Variants in HS3ST4 observed in about 807,000 individuals in gnomAD.
HS3ST4 encodes heparan sulfate-glucosamine 3-sulfotransferase 4, also known as heparan sulfate glucosamine 3-O-sulfotransferase 4.
Under a neutral mutation model 29.2 loss-of-function variants are expected in HS3ST4, and 17 were observed. The ratio of observed to expected loss-of-function variants is 0.58; its 90% CI spans 0.40 to 0.87. The LOEUF (loss-of-function observed/expected upper bound fraction) is 0.87. HS3ST4 is among the 40% of genes least tolerant of loss of function. The probability of loss-of-function intolerance (pLI) is 0.00; values close to 1 mark genes in which losing one functional copy is unlikely to be tolerated. For synonymous variants in HS3ST4, 314 were observed against 285.7 expected, an observed-to-expected ratio of 1.10 and a Z score of -1.00; for missense variants, 627 against 634.5, an observed-to-expected ratio of 0.99 and a Z score of 0.13.
intron 1 of HS3ST4, among the ~76,000 whole-genome samples, chr16:26,031,009 G>T (rs1969525855): frequency 6.6e-6 from 1 of 152,212 alleles, no homozygotes; most frequent in South Asian, 2.1e-4. Context: ...TATTTGTGAA[G>T]GATAGAATTG....
chr16:25,912,289 T>G (rs944640725), intron 1 of HS3ST4, among the ~76,000 whole-genome samples: 3 of 152,212 alleles, frequency 2.0e-5, no homozygotes, highest in African/African-American at 7.2e-5. Flanking sequence ...GAATTCGTTA[T>G]GCTCTCGCTA....
chr16:26,104,811 T>A (rs1899030729), intron 1 of HS3ST4, among the ~76,000 whole-genome samples: 3 of 152,180 alleles, frequency 2.0e-5, no homozygotes, highest in Non-Finnish European at 4.4e-5. Flanking sequence ...GCAGCTCTAG[T>A]CTTCCTTTTT....
At chr16:26,073,625 G>A (rs1048510771) in intron 1 of HS3ST4, among the ~76,000 whole-genome samples, 87 of 152,192 alleles carry the variant, frequency 5.7e-4, no homozygotes, top group Admixed American at 5.0e-3. Flanking sequence ...CTCCCTCCTC[G>A]GCCTCCCAAA....
intron 1 of HS3ST4, among the ~76,000 whole-genome samples, chr16:25,975,620 C>T (rs1968936983): frequency 6.6e-6 from 1 of 152,138 alleles, no homozygotes; most frequent in African/African-American, 2.4e-5. Flanking sequence ...CCTCACTGGT[C>T]TGAGCCAGCA....
intron 1 of HS3ST4, among the ~76,000 whole-genome samples, chr16:26,069,714 A>G (rs1310999967): frequency 3.3e-5 from 2 of 59,928 alleles, no homozygotes; most frequent in East Asian, 6.2e-4. Context: ...CCCTCCCCCC[A>G]CCCCACAACA....
chr16:25,759,839 A>T (rs761498167), intron 1 of HS3ST4, among the ~76,000 whole-genome samples: 9 of 152,158 alleles, frequency 5.9e-5, no homozygotes, highest in Admixed American at 1.3e-4. Flanking sequence ...GCAGTGAGCT[A>T]TGATGACACC....
At position 26,126,502 on chromosome 16, in the gene HS3ST4, C is replaced by T. The variant is rs143232050; in HGVS notation, c.735-9110C>T. Among the ~76,000 whole-genome samples the T allele has an allele frequency of 6.2e-3, 945 of 152,234 alleles. 12 individuals are homozygous for T. Among genetic ancestry groups the T allele is most frequent in the African/African-American group, 0.022 (902 of 41,534 alleles). On this transcript the variant is annotated intron_variant, in intron 1 of 1. Coordinates refer to ENST00000331351, the MANE Select transcript of HS3ST4 (RefSeq NM_006040.3). ...CAATTTTTATTATCATCCCATTTTA[C>T]GTATGGGAAAATCTAGGCAGAGACA...
intron 1 of HS3ST4, among the ~76,000 whole-genome samples, chr16:26,123,326 A>G (rs1323425486): frequency 6.6e-6 from 1 of 152,102 alleles, no homozygotes; most frequent in African/African-American, 2.4e-5. Context: ...GAACCCAGAG[A>G]CTCAACACTT....
chr16:26,020,744 G>C (rs1400011254), intron 1 of HS3ST4, among the ~76,000 whole-genome samples: 2 of 152,184 alleles, frequency 1.3e-5, no homozygotes, highest in Non-Finnish European at 2.9e-5. Flanking sequence ...CCTCATCCCA[G>C]ACCTTCTAAA....
chr16:25,815,367 A>C (rs1596579330), intron 1 of HS3ST4, among the ~76,000 whole-genome samples: 1 of 152,146 alleles, frequency 6.6e-6, no homozygotes, highest in East Asian at 1.9e-4. Context: ...TTTATTGCCC[A>C]AGCTGAAGTG....
chr16:26,112,660 A>G (rs973865567), intron 1 of HS3ST4, among the ~76,000 whole-genome samples: 1 of 152,152 alleles, frequency 6.6e-6, no homozygotes, highest in African/African-American at 2.4e-5. Flanking sequence ...TACTCAGAAT[A>G]TGCAAAGAAC....
At chr16:26,094,521 A>G (rs1366741752) in intron 1 of HS3ST4, among the ~76,000 whole-genome samples, 2 of 152,242 alleles carry the variant, frequency 1.3e-5, no homozygotes, top group Non-Finnish European at 2.9e-5. Flanking sequence ...ACTAAGCTTC[A>G]TAAGTGAAGG....
chr16:25,725,243 T>G (rs1238666756), intron 1 of HS3ST4, among the ~76,000 whole-genome samples: 1 of 152,240 alleles, frequency 6.6e-6, no homozygotes, highest in East Asian at 1.9e-4. Context: ...GGCTTCCTGG[T>G]CATCTCATTT....
At chr16:26,105,579 C>T (rs1303977743) in intron 1 of HS3ST4, among the ~76,000 whole-genome samples, 1 of 152,230 alleles carries the variant, frequency 6.6e-6, no homozygotes, top group Non-Finnish European at 1.5e-5. Context: ...GGCAGTGGCT[C>T]CCATTTCACT....
At chr16:25,929,507 C>T (rs1435664406) in intron 1 of HS3ST4, among the ~76,000 whole-genome samples, 1 of 152,200 alleles carries the variant, frequency 6.6e-6, no homozygotes, top group Non-Finnish European at 1.5e-5. Context: ...TGTCTGGATC[C>T]CTTGCCCCAT....
intron 1 of HS3ST4, among the ~76,000 whole-genome samples, chr16:25,940,611 C>G (rs1016611159): frequency 2.0e-5 from 3 of 152,112 alleles, no homozygotes; most frequent in Non-Finnish European, 4.4e-5. Flanking sequence ...CAAGCCTTGA[C>G]CAGGGGCATG....
At position 25,692,873 on chromosome 16, in the gene HS3ST4, T is replaced by C; in HGVS notation, c.456T>C (p.Ala152=). Residue 152 remains alanine, a synonymous_variant, in exon 1 of 2, where the codon GCT becomes GCC. Transcript: ENST00000331351. ...TPLAPSEMIT[A]QSALPEREAQ... is the part of the protein sequence containing the mutation. ...TGGCCCCCAGCGAGATGATCACGGC[T>C]CAGAGCGCGCTGCCGGAGAGGGAAG... 1 of 1,537,416 alleles carries C rather than the reference T, an allele frequency of 6.5e-7. No homozygotes were observed. Among genetic ancestry groups the C allele is most frequent in the Non-Finnish European group, 8.8e-7 (1 of 1,141,938 alleles).
At chr16:26,112,731 T>C (rs1899148936) in intron 1 of HS3ST4, among the ~76,000 whole-genome samples, 1 of 151,956 alleles carries the variant, frequency 6.6e-6, no homozygotes, top group Non-Finnish European at 1.5e-5. Context: ...GATATAGATA[T>C]TTCACCCATG....
intron 1 of HS3ST4, among the ~76,000 whole-genome samples, chr16:25,711,962 C>T (rs937286270): frequency 6.6e-6 from 1 of 152,160 alleles, no homozygotes; most frequent in African/African-American, 2.4e-5. Flanking sequence ...ATAAAGTATA[C>T]ATAATTTATT....
Sources: gnomAD v4.1 joint callset for allele counts (sites outside exome capture counted in the v4.1 genomes callset) on GRCh38, gnomAD v4.1.1 for gene constraint, MANE v1.5 for transcripts, NCBI Gene and HGNC (gene_info 2026-07-23, HGNC 2026-07-21) for gene names.